CPA6: variants seen among roughly 807,000 people sequenced by gnomAD.
CPA6 encodes carboxypeptidase A6, also known as carboxypeptidase B.
In CPA6, 58 loss-of-function variants were observed where a neutral mutation model predicts 63.3. That is an observed-to-expected ratio of 0.92 (90% CI 0.74 to 1.14). The LOEUF (loss-of-function observed/expected upper bound fraction) is 1.14, where lower values mean the gene tolerates loss of function less well. Ranked by LOEUF, CPA6 falls within the 50% of genes most tolerant of loss-of-function variation. The probability of loss-of-function intolerance (pLI) is 0.00; values close to 1 mark genes in which losing one functional copy is unlikely to be tolerated. For missense variants in CPA6, 565 were observed against 526.6 expected, an observed-to-expected ratio of 1.07 and a Z score of -0.71; for synonymous variants, 185 against 179.0, an observed-to-expected ratio of 1.03 and a Z score of -0.27.
At chr8:67,634,366 C>T (rs959145520) in intron 1 of CPA6, among the ~76,000 whole-genome samples, 5 of 150,668 alleles carry the variant, frequency 3.3e-5, no homozygotes, top group Non-Finnish European at 7.4e-5. Context: ...CTACAGGCGC[C>T]CGCTACCACG....
intron 1 of CPA6, among the ~76,000 whole-genome samples, chr8:67,694,640 G>A (rs963549163): frequency 2.6e-5 from 4 of 152,188 alleles, no homozygotes; most frequent in Non-Finnish European, 5.9e-5. Context: ...CTGCCAGCCC[G>A]CACCTATGGC....
chr8:67,482,646 T>C (rs1040086953), intron 8 of CPA6, among the ~76,000 whole-genome samples: 20 of 152,200 alleles, frequency 1.3e-4, no homozygotes, highest in Non-Finnish European at 2.5e-4. Context: ...AGGTTACTGA[T>C]ACTTAGATCC....
At chr8:67,591,139 A>G (rs376964535) in intron 2 of CPA6, among the ~76,000 whole-genome samples, 2,727 of 152,028 alleles carry the variant, frequency 0.018, 33 homozygotes, top group African/African-American at 0.036. Flanking sequence ...TTATTAAATA[A>G]GGAATCCTTT....
At chr8:67,655,490 C>G (rs967444571) in intron 1 of CPA6, among the ~76,000 whole-genome samples, 8 of 152,118 alleles carry the variant, frequency 5.3e-5, no homozygotes, top group African/African-American at 1.9e-4. Flanking sequence ...TAATCCTAAA[C>G]CCCTGATATG....
At chr8:67,445,482 G>A (rs1810390957) in intron 8 of CPA6, among the ~76,000 whole-genome samples, 4 of 152,060 alleles carry the variant, frequency 2.6e-5, no homozygotes. Context: ...GTTTATATAT[G>A]TGTCTCTTGT....
intron 1 of CPA6, among the ~76,000 whole-genome samples, chr8:67,637,476 G>A (rs532908658): frequency 6.6e-6 from 1 of 151,554 alleles, no homozygotes; most frequent in East Asian, 1.9e-4. Context: ...ATCACACTTC[G>A]ATTTAGTTCT....
intron 8 of CPA6, among the ~76,000 whole-genome samples, chr8:67,470,067 A>C (rs1296540590): frequency 1.4e-5 from 2 of 143,776 alleles, no homozygotes; most frequent in African/African-American, 2.6e-5. Flanking sequence ...GCAGAGTCTC[A>C]CTCTATCACC....
intron 2 of CPA6, among the ~76,000 whole-genome samples, chr8:67,527,958 A>C (rs62513766): frequency 7.9e-5 from 12 of 152,178 alleles, no homozygotes; most frequent in Non-Finnish European, 1.6e-4. Flanking sequence ...GAGGATCCGG[A>C]GATGGTTCTG....
intron 8 of CPA6, among the ~76,000 whole-genome samples, chr8:67,463,148 TA>T: frequency 6.6e-6 from 1 of 152,166 alleles, no homozygotes; most frequent in Non-Finnish European, 1.5e-5. Context: ...ATTTGTTCTT[TA>T]AAGAAGAATT....
At chr8:67,510,980 C>G (rs1812031863) in intron 4 of CPA6, among the ~76,000 whole-genome samples, 1 of 152,122 alleles carries the variant, frequency 6.6e-6, no homozygotes, top group East Asian at 1.9e-4. Context: ...GAACAGCTAC[C>G]TTTTTGCTTA....
chr8:67,698,178 A>T (rs1333274647), intron 1 of CPA6, among the ~76,000 whole-genome samples: 1 of 152,194 alleles, frequency 6.6e-6, no homozygotes, highest in Non-Finnish European at 1.5e-5. Flanking sequence ...TTGACTAGAT[A>T]GTAATGAAGA....
chr8:67,653,446 G>A (rs1356272420), intron 1 of CPA6, among the ~76,000 whole-genome samples: 4 of 150,834 alleles, frequency 2.7e-5, no homozygotes, highest in Non-Finnish European at 1.5e-5. Flanking sequence ...TCTCCTTGAA[G>A]AGGTCCTTCA....
intron 1 of CPA6, among the ~76,000 whole-genome samples, chr8:67,628,684 T>C (rs1815249021): frequency 6.6e-6 from 1 of 152,268 alleles, no homozygotes; most frequent in African/African-American, 2.4e-5. Context: ...TTTTAAAATA[T>C]AATAAGTTCT....
rs80320488 is a variant in CPA6 at position 67,615,916 on chromosome 8, G to A, written c.192+8260C>T. On this transcript the variant is annotated intron_variant, in intron 2 of 10. Transcript: ENST00000297770. ...AGCATTCCAGACAAGAACAGCTTGA[G>A]CTAAGGCGCTTAGGTGAGAAATTAC... is the stretch of plus-strand genomic sequence containing the variant. 8.6e-4 allele frequency among the ~76,000 whole-genome samples: 131 copies of A among 152,326 alleles called. No homozygotes were observed. The East Asian group carries it at 0.022, about 26-fold the overall frequency.
At position 67,555,115 on chromosome 8, in the gene CPA6, G is replaced by A. The variant is rs537830378; in HGVS notation, c.193-37068C>T. On this transcript the variant is annotated intron_variant, in intron 2 of 10. Transcript: ENST00000297770. Reference sequence around the variant, plus strand: ...CCAAATCAACCCACAATAAATATTTGGTTTTTGTCCCCAGTTCCTGGCACA... The same window carrying A: ...CCAAATCAACCCACAATAAATATTTAGTTTTTGTCCCCAGTTCCTGGCACA... Among the ~76,000 whole-genome samples the A allele has an allele frequency of 5.9e-5, 9 of 152,170 alleles. No homozygotes were observed. The East Asian group carries it at 1.5e-3, about 26-fold the overall frequency.
intron 6 of CPA6, among the ~76,000 whole-genome samples, chr8:67,498,323 G>C (rs1268539029): frequency 6.6e-6 from 1 of 151,770 alleles, no homozygotes; most frequent in Non-Finnish European, 1.5e-5. Flanking sequence ...ATCACTTGAG[G>C]GCAGGAGTTT....
At chr8:67,615,646 C>G (rs960126140) in intron 2 of CPA6, among the ~76,000 whole-genome samples, 3 of 152,186 alleles carry the variant, frequency 2.0e-5, no homozygotes, top group Non-Finnish European at 4.4e-5. Context: ...TGAAGAGTCA[C>G]TAGTCCTTGC....
intron 5 of CPA6, among the ~76,000 whole-genome samples, chr8:67,507,289 C>T (rs983604516): frequency 3.3e-5 from 5 of 151,990 alleles, no homozygotes; most frequent in Non-Finnish European, 5.9e-5. Flanking sequence ...TAGTATGTGA[C>T]TGTTAAGTAA....
At chr8:67,496,572 T>A (rs1185818142) in intron 6 of CPA6, among the ~76,000 whole-genome samples, 4 of 143,718 alleles carry the variant, frequency 2.8e-5, no homozygotes, top group East Asian at 2.0e-4. Context: ...TTTTATTTTT[T>A]TTTTTTGAGA....
Sources: allele counts gnomAD v4.1 joint callset (sites outside exome capture counted in the v4.1 genomes callset), GRCh38; gene constraint gnomAD v4.1.1; transcripts MANE v1.5; gene names NCBI Gene and HGNC (gene_info 2026-07-23, HGNC 2026-07-21).